Variants in TBCCD1 observed in about 807,000 individuals in gnomAD.
TBCCD1 encodes the protein TBCC domain containing 1.
Under a neutral mutation model 53.4 loss-of-function variants are expected in TBCCD1, and 26 were observed. That is an observed-to-expected ratio of 0.49 (90% CI 0.36 to 0.68). The LOEUF (loss-of-function observed/expected upper bound fraction) is 0.68. TBCCD1 is among the 30% of genes least tolerant of loss of function. The pLI is 0.00. For missense variants in TBCCD1, 558 were observed against 669.5 expected, an observed-to-expected ratio of 0.83 and a Z score of 1.84; for synonymous variants, 245 against 241.7, an observed-to-expected ratio of 1.01 and a Z score of -0.13.
intron 2 of TBCCD1, among the ~76,000 whole-genome samples, chr3:186,559,041 G>C (rs1714622969): frequency 6.6e-6 from 1 of 152,138 alleles, no homozygotes; most frequent in South Asian, 2.1e-4. Flanking sequence ...CCCTGTGCCT[G>C]GCCAAGAGTT....
rs530220241 is a variant in TBCCD1 at position 186,551,131 on chromosome 3, G to C, written c.*19C>G. 1 of 1,604,650 alleles carries C rather than the reference G, an allele frequency of 6.2e-7. No individual in the cohort carries two copies. Among genetic ancestry groups the C allele is most frequent in the Admixed American group, 1.7e-5 (1 of 57,982 alleles). On this transcript the variant is annotated splice_region_variant and 3_prime_UTR_variant, in exon 7 of 8. Coordinates refer to ENST00000338733, the MANE Select transcript of TBCCD1 (RefSeq NM_018138.5). ...TTTTAAGTGGTATAAATGCCTACCA[G>C]TGTCTGCATGTAAGATCCTTATCCA...
Position 186,564,187 on chromosome 3 carries a change from GCTC to G in TBCCD1, c.140_142del (p.Gly47del). On this transcript the variant is annotated inframe_deletion, in exon 2 of 8. Coordinates refer to ENST00000338733, the MANE Select transcript of TBCCD1 (RefSeq NM_018138.5). ...TGTAGACCAGTAGAGGCGCGGGTAA[GCTC>G]CTTCTGTGGCCCGGATTTGCACATA... The G allele has an allele frequency of 6.2e-7, 1 of 1,614,194 alleles. No homozygotes were observed. The highest frequency in any genetic ancestry group is 8.5e-7 in the Non-Finnish European group (1 of 1,180,030).
At chr3:186,557,358 G>T (rs942207026) in intron 3 of TBCCD1, among the ~76,000 whole-genome samples, 2 of 152,150 alleles carry the variant, frequency 1.3e-5, no homozygotes, top group African/African-American at 4.8e-5. Flanking sequence ...AATGATAGAG[G>T]CAGAAATGAA....
chr3:186,550,519 G>A (rs1337323484), intron 7 of TBCCD1, among the ~76,000 whole-genome samples: 2 of 151,584 alleles, frequency 1.3e-5, no homozygotes, highest in African/African-American at 4.8e-5. Context: ...CCAGGAGGCG[G>A]AAGCTGCAGT....
chr3:186,551,125 C>T lies in TBCCD1; in HGVS notation c.*21+4G>A. ...AATCTGTTTTAAGTGGTATAAATGC[C>T]TACCAGTGTCTGCATGTAAGATCCT... On this transcript the variant is annotated splice_donor_region_variant and intron_variant, in intron 7 of 7. Coordinates refer to ENST00000338733, the MANE Select transcript of TBCCD1 (RefSeq NM_018138.5). The T allele has an allele frequency of 6.2e-7, 1 of 1,603,474 alleles. No individual in the cohort carries two copies.
Position 186,554,667 on chromosome 3 carries a change from A to G in TBCCD1, c.1131T>C (p.Asn377=), listed in dbSNP as rs1176935630. Residue 377 remains asparagine (N), a synonymous_variant, in exon 6 of 8, where the codon AAT becomes AAC. Transcript: ENST00000338733. ...GTTLHLHSCD[N]VKVIAVCHRL... Reference sequence around the variant, plus strand: ...GATGGCAAACAGCAATGACTTTAACATTGTCACAACTGTGGAGGTGAAGTG... The same window carrying G: ...GATGGCAAACAGCAATGACTTTAACGTTGTCACAACTGTGGAGGTGAAGTG... The G allele has an allele frequency of 6.2e-7, 1 of 1,614,238 alleles. No individual in the cohort carries two copies. Among genetic ancestry groups the G allele is most frequent in the East Asian group, 2.2e-5 (1 of 44,888 alleles).
upstream of TBCCD1, among the ~76,000 whole-genome samples, chr3:186,569,133 G>A (rs577259737): frequency 4.0e-4 from 61 of 151,952 alleles, no homozygotes; most frequent in Middle Eastern, 0.014. Context: ...TGAGCTCGGT[G>A]TATACAAAAA....
chr3:186,564,264 G>A lies in TBCCD1; in HGVS notation c.66C>T (p.Val22=), dbSNP rs765532413. Residue 22 remains valine, a synonymous_variant, in exon 2 of 8, where the codon GTC becomes GTT. Transcript: ENST00000338733. ...AEPFIVGALQ[V]PPPSKFSLHY... Reference sequence around the variant, plus strand: ...GAAGACTAAACTTGGATGGAGGGGGGACCTGCAAGGCACCCACTATAAAGG... The same window carrying A: ...GAAGACTAAACTTGGATGGAGGGGGAACCTGCAAGGCACCCACTATAAAGG... The A allele has an allele frequency of 1.2e-6, 2 of 1,614,162 alleles. No homozygotes were observed. Among genetic ancestry groups the A allele is most frequent in the East Asian group, 2.2e-5 (1 of 44,888 alleles).
intron 2 of TBCCD1, among the ~76,000 whole-genome samples, chr3:186,562,746 G>A (rs1282024799): frequency 1.3e-5 from 2 of 149,992 alleles, no homozygotes; most frequent in Non-Finnish European, 3.0e-5. Context: ...ACCTATGGGG[G>A]GTGATGGGTA....
At chr3:186,555,282 ATTT>A (rs1714504834) in intron 4 of TBCCD1, among the ~76,000 whole-genome samples, 198 bp from the exon 5 acceptor site, 1 of 152,138 alleles carries the variant, frequency 6.6e-6, no homozygotes, top group African/African-American at 2.4e-5. Flanking sequence ...TGGAATTTTC[ATTT>A]TTGTTATAAA....
intron 6 of TBCCD1, among the ~76,000 whole-genome samples, chr3:186,552,700 C>G (rs956350855): frequency 6.6e-6 from 1 of 152,312 alleles, no homozygotes; most frequent in South Asian, 2.1e-4. Context: ...AAGCCAAAAT[C>G]CAACGATAAG....
Position 186,559,658 on chromosome 3 carries a change from C to A in TBCCD1, c.337-1086G>T, listed in dbSNP as rs568593954. 2.0e-5 allele frequency among the ~76,000 whole-genome samples: 3 copies of A among 152,242 alleles called. No homozygotes were observed. In the East Asian group the frequency reaches 5.8e-4, roughly 29 times the overall value. ...TACAGATTCTCAGGATCACCCAGAC[C>A]TATTTAATCAACTAACAATGTGAAG... On this transcript the variant is annotated intron_variant, in intron 2 of 7. Coordinates refer to ENST00000338733, the MANE Select transcript of TBCCD1 (RefSeq NM_018138.5).
At chr3:186,570,203 G>A, upstream of TBCCD1, 1 of 683,072 alleles carries the variant, frequency 1.5e-6, no homozygotes, top group Non-Finnish European at 2.7e-6. Context: ...CTTGGAGAAC[G>A]TAAAATAAGA....
chr3:186,555,596 T>C (rs1714517843), intron 4 of TBCCD1, among the ~76,000 whole-genome samples: 1 of 152,212 alleles, frequency 6.6e-6, no homozygotes, highest in African/African-American at 2.4e-5. Context: ...TCTCACTCTG[T>C]CACTCAGGCT....
At chr3:186,551,360 T>C in intron 6 of TBCCD1, 81 bp from the exon 7 acceptor site, 3 of 1,273,202 alleles carry the variant, frequency 2.4e-6, no homozygotes, top group Non-Finnish European at 3.3e-6. Flanking sequence ...TACAATATTT[T>C]AATAGGATAA....
intron 1 of TBCCD1, among the ~76,000 whole-genome samples, chr3:186,566,386 T>C (rs1158265182): frequency 1.3e-5 from 2 of 152,220 alleles, no homozygotes; most frequent in African/African-American, 2.4e-5. Context: ...GAAAAATAAC[T>C]GACATCAATC....
At chr3:186,565,812 T>C (rs1331802290) in intron 1 of TBCCD1, among the ~76,000 whole-genome samples, 1 of 152,240 alleles carries the variant, frequency 6.6e-6, no homozygotes, top group African/African-American at 2.4e-5. Context: ...AATTAAGTAA[T>C]TGACATTTCT....
chr3:186,568,295 A>T (rs1015995785), upstream of TBCCD1, among the ~76,000 whole-genome samples: 5 of 152,138 alleles, frequency 3.3e-5, no homozygotes, highest in Admixed American at 3.3e-4. Context: ...AGTGTATAAC[A>T]GGGAGAATAG....
upstream of TBCCD1, among the ~76,000 whole-genome samples, chr3:186,568,835 G>A (rs1010283626): frequency 3.3e-5 from 5 of 151,922 alleles, no homozygotes; most frequent in South Asian, 2.1e-4. Context: ...CCCAGGAGGC[G>A]GAGGTTGCAG....
Sources: gnomAD v4.1 joint callset for allele counts (sites outside exome capture counted in the v4.1 genomes callset) on GRCh38, gnomAD v4.1.1 for gene constraint, MANE v1.5 for transcripts, NCBI Gene and HGNC (gene_info 2026-07-23, HGNC 2026-07-21) for gene names.